Variants in C1orf167 observed in about 807,000 individuals in gnomAD.
C1orf167 encodes chromosome 1 open reading frame 167.
A neutral mutation model predicts 176.5 loss-of-function variants in C1orf167; 153 were observed. That is an observed-to-expected ratio of 0.87 (90% CI 0.76 to 0.99). The LOEUF is 0.99. Among genes scored for constraint, C1orf167 ranks in the 50% least tolerant of loss-of-function variants. The probability of loss-of-function intolerance (pLI) is 0.00; values close to 1 mark genes in which losing one functional copy is unlikely to be tolerated. For synonymous variants in C1orf167, 594 were observed against 752.7 expected, an observed-to-expected ratio of 0.79 and a Z score of 3.45; for missense variants, 1,490 against 1,817.7, an observed-to-expected ratio of 0.82 and a Z score of 3.28.
In C1orf167 at chr1:11,784,429, A is replaced by G. The variant is rs1643744700; in HGVS notation, c.3261A>G (p.Ala1087=). 7.7e-7 allele frequency: 1 copy of G among 1,303,732 alleles called. No homozygotes were observed. Among genetic ancestry groups the G allele is most frequent in the Middle Eastern group, 2.2e-4 (1 of 4,488 alleles). The allele number at this position is 1,303,732 out of a possible 1,614,324, so 80.8% of individuals were successfully genotyped here. A position where few individuals can be genotyped will look rare whatever the true frequency, so the allele number is the denominator to read the frequency against. The change falls in exon 15 of 21, where the codon GCA becomes GCG. Residue 1087 remains alanine (A), a synonymous_variant. Transcript: ENST00000688073. ...CCCGGGCCCCACAGGCCTTCCCAGC[A>G]TGGCCAGTGGCCCCGGGCATGCACC... The part of the protein sequence containing the change: ...KKARAPQAFP[A]WPVAPGMHHE...
At chr1:11,787,584 T>C in intron 17 of C1orf167, 91 bp downstream of exon 17, 1 of 932,090 alleles carries the variant, frequency 1.1e-6, no homozygotes, top group Non-Finnish European at 1.4e-6. Context: ...ATCAGCTCCT[T>C]GGGACACGGT....
Position 11,772,195 on chromosome 1 carries a change from A to G in C1orf167, c.1924A>G (p.Thr642Ala). ...GAGCTTCCCCCAGGCCTGGCACTCT[A>G]CTGCTGCAGGTGTAGCCTGGGTGGC... ...TGSFPQAWHS[T>A]AAGVAWVAPL... The change falls in exon 8 of 21, where the codon ACT becomes GCT. Residue 642 changes from threonine to alanine, a missense_variant. By Grantham distance (58) the Thr-to-Ala change is moderately conservative. Transcript: ENST00000688073. 1 of 1,304,270 alleles carries G rather than the reference A, an allele frequency of 7.7e-7. No homozygotes were observed. The highest frequency in any genetic ancestry group is 1.0e-6 in the Non-Finnish European group (1 of 988,944). 80.8% of individuals were successfully genotyped at this position (1,304,270 alleles called of 1,614,324 possible). A position where few individuals can be genotyped will look rare whatever the true frequency, so the allele number is the denominator to read the frequency against.
intron 8 of C1orf167, among the ~76,000 whole-genome samples, chr1:11,772,655 C>T (rs144512967): frequency 6.6e-6 from 1 of 152,086 alleles, no homozygotes; most frequent in Non-Finnish European, 1.5e-5. Context: ...ACTGAGCATG[C>T]CTAGAACATG....
chr1:11,776,167 G>A (rs925238800), intron 9 of C1orf167, among the ~76,000 whole-genome samples: 9 of 152,236 alleles, frequency 5.9e-5, no homozygotes, highest in Non-Finnish European at 1.0e-4. Flanking sequence ...TGAGGCACAA[G>A]GATCGCTTGA....
At chr1:11,770,688 C>T (rs1204026458) in intron 6 of C1orf167, among the ~76,000 whole-genome samples, 5 of 151,534 alleles carry the variant, frequency 3.3e-5, no homozygotes, top group Non-Finnish European at 7.4e-5. Context: ...TCTCAAACTC[C>T]TGGCCTCAAG....
chr1:11,762,828 A>C (rs972256544), intron 1 of C1orf167, among the ~76,000 whole-genome samples: 12 of 152,234 alleles, frequency 7.9e-5, no homozygotes, highest in Admixed American at 2.6e-4. Context: ...AACAAAAAAA[A>C]CCAGCCTGCC....
At position 11,789,390 on chromosome 1, in the gene C1orf167, A is replaced by G. The variant is rs868014; in HGVS notation, c.4294A>G (p.Arg1432Gly). ...CCCCGAGAGTGGACAGGAAGCCGCC[A>G]GAGCACCGCGGGGTTGGGGGCTTGG... ...KGPESGQEAA[R>G]APRGWGLGAE... Residue 1432 changes from arginine (R) to glycine (G), a missense_variant, in exon 21 of 21, where the codon AGA (arginine) becomes GGA (glycine). Physicochemically the swap from Arg to Gly is moderately radical, Grantham distance 125. Coordinates refer to ENST00000688073, the MANE Select transcript of C1orf167 (RefSeq NM_001010881.2). 0.99 allele frequency: 1,288,170 copies of G among 1,304,028 alleles called. 637,687 individuals are homozygous for G. Among genetic ancestry groups the G allele is most frequent in the East Asian group, 1 (17,992 of 17,992 alleles). The allele number at this position is 1,304,028 out of a possible 1,614,324, so 80.8% of individuals were successfully genotyped here.
chr1:11,762,399 G>A (rs1036617650), intron 1 of C1orf167, 94 bp downstream of exon 1: 1 of 344,270 alleles, frequency 2.9e-6, no homozygotes, highest in African/African-American at 2.1e-5. Flanking sequence ...GGACAGGGGT[G>A]GGGGTGGAGT....
chr1:11,764,278 C>A, intron 1 of C1orf167, 53 bp from the exon 2 acceptor site: 1 of 682,682 alleles, frequency 1.5e-6, no homozygotes, highest in Non-Finnish European at 2.3e-6. Flanking sequence ...AGGTAGGGAT[C>A]AGAATGGGGT....
chr1:11,789,060 TTGCTC>T lies in C1orf167; in HGVS notation c.4174-202_4174-198del, dbSNP rs1431677684. 6.8e-6 allele frequency: 3 copies of T among 442,358 alleles called. No homozygotes were observed. The Admixed American group carries it at 1.1e-4, about 17-fold the overall frequency. The allele number at this position is 442,358 out of a possible 1,614,324, so 27.4% of individuals were successfully genotyped here. A position where few individuals can be genotyped will look rare whatever the true frequency, so the allele number is the denominator to read the frequency against. ...GGGTCCTGAGCGCCCCCTCCCTCAT[TTGCTC>T]TGCTCTGAGTACAGCTTCCCAGCTC... On this transcript the variant is annotated intron_variant, in intron 20 of 20. Transcript: ENST00000688073.
rs1024797867 is a variant in C1orf167, at chr1:11,762,476, G to A, written c.-71+171G>A. Among the ~76,000 whole-genome samples the A allele has an allele frequency of 2.6e-5, 4 of 152,194 alleles. No individual in the cohort carries two copies. The East Asian group carries it at 7.7e-4, about 29-fold the overall frequency. On this transcript the variant is annotated intron_variant, in intron 1 of 20. Coordinates refer to ENST00000688073, the MANE Select transcript of C1orf167 (RefSeq NM_001010881.2). ...ATGGACCGAAGAGCTCCGGCGTGAG[G>A]GGCAGGGGTGCAGGAAGGTCTCCTG... is the stretch of plus-strand genomic sequence containing the variant.
chr1:11,778,885 G>A (rs1044686471), intron 11 of C1orf167, 41 bp from the exon 12 acceptor site: 2 of 1,297,152 alleles, frequency 1.5e-6, no homozygotes, highest in African/African-American at 3.0e-5. Context: ...GTGGGAAGGG[G>A]ACAGGGTAGG....
Position 11,779,909 on chromosome 1 carries a change from G to C in C1orf167, c.2759G>C (p.Arg920Pro), listed in dbSNP as rs4846043. Residue 920 changes from arginine to proline, a missense_variant, in exon 13 of 21, where the codon CGT (arginine) becomes CCT (proline). By Grantham distance (103) the Arg-to-Pro change is moderately radical (BLOSUM62 -2). Coordinates refer to ENST00000688073, the MANE Select transcript of C1orf167 (RefSeq NM_001010881.2). ...TGCAGGGCTGTGCTGGGCCTGTGGC[G>C]TCAGCGGCTGCTGCAGTCACGGCTG... ...RTCRAVLGLW[R>P]QRLLQSRLVE... 20 of 1,302,386 alleles carry C rather than the reference G, an allele frequency of 1.5e-5. No homozygotes were observed. In the African/African-American group the frequency reaches 3.0e-4, roughly 20 times the overall value. 80.7% of individuals were successfully genotyped at this position (1,302,386 alleles called of 1,614,324 possible). A position where few individuals can be genotyped will look rare whatever the true frequency, so the allele number is the denominator to read the frequency against.
Position 11,772,188 on chromosome 1 carries a change from G to C in C1orf167, c.1917G>C (p.Trp639Cys), listed in dbSNP as rs1452212095. The C allele has an allele frequency of 6.9e-6, 9 of 1,304,172 alleles. No homozygotes were observed. Among genetic ancestry groups the C allele is most frequent in the Non-Finnish European group, 9.1e-6 (9 of 988,960 alleles). 80.8% of individuals were successfully genotyped at this position (1,304,172 alleles called of 1,614,324 possible). ...TQRTGSFPQA[W>C]HSTAAGVAWV... ...GGACAGGGAGCTTCCCCCAGGCCTGGCACTCTACTGCTGCAGGTGTAGCCT... is the reference window on the plus strand; with the variant it reads ...GGACAGGGAGCTTCCCCCAGGCCTGCCACTCTACTGCTGCAGGTGTAGCCT... Residue 639 changes from tryptophan (W) to cysteine (C), a missense_variant, in exon 8 of 21, where the codon TGG becomes TGC. Transcript: ENST00000688073.
rs1323828407 is a variant in C1orf167 at position 11,788,705 on chromosome 1, G to T, written c.4132G>T (p.Ala1378Ser). 7.7e-7 allele frequency: 1 copy of T among 1,304,280 alleles called. No individual in the cohort carries two copies. The highest frequency in any genetic ancestry group is 1.2e-5 in the South Asian group (1 of 81,036). The allele number at this position is 1,304,280 out of a possible 1,614,324, so 80.8% of individuals were successfully genotyped here. ...GLADVVAADP[A>S]TASGSAVTAA... ...GGCAGACGTGGTGGCAGCGGATCCTGCGACTGCGAGTGGCTCAGCAGTTAC... is the reference window on the plus strand; with the variant it reads ...GGCAGACGTGGTGGCAGCGGATCCTTCGACTGCGAGTGGCTCAGCAGTTAC... The change falls in exon 20 of 21, where the codon GCG becomes TCG. Residue 1378 changes from alanine (A) to serine (S), a missense_variant. Transcript: ENST00000688073.
Position 11,766,851 on chromosome 1 carries a change from C to G in C1orf167, c.1065C>G (p.Asp355Glu), listed in dbSNP as rs1642822565. The change falls in exon 3 of 21, where the codon GAC (aspartate) becomes GAG (glutamate). Residue 355 changes from aspartate to glutamate, a missense_variant. Physicochemically the swap from Asp to Glu is conservative, Grantham distance 45. Coordinates refer to ENST00000688073, the MANE Select transcript of C1orf167 (RefSeq NM_001010881.2). This position sits in a 1 kb window ranked among gnomAD's most constrained non-coding sequence, Gnocchi z 4.5. ...LPPAHPLGSG[D>E]SCSPWSQDGR... Reference sequence around the variant, plus strand: ...CTGCCCACCCCCTAGGGTCAGGGGACAGCTGCTCCCCCTGGTCTCAAGATG... The same window carrying G: ...CTGCCCACCCCCTAGGGTCAGGGGAGAGCTGCTCCCCCTGGTCTCAAGATG... 5 of 1,282,294 alleles carry G rather than the reference C, an allele frequency of 3.9e-6. No homozygotes were observed. The highest frequency in any genetic ancestry group is 5.1e-6 in the Non-Finnish European group (5 of 984,154). The allele number at this position is 1,282,294 out of a possible 1,614,324, so 79.4% of individuals were successfully genotyped here.
rs886680893 is a variant in C1orf167, at chr1:11,765,930, G to A, written c.144G>A (p.Gln48=). 32 of 1,244,602 alleles carry A rather than the reference G, an allele frequency of 2.6e-5. No individual in the cohort carries two copies. The highest frequency in any genetic ancestry group is 3.2e-5 in the Non-Finnish European group (31 of 966,470). The allele number at this position is 1,244,602 out of a possible 1,614,324, so 77.1% of individuals were successfully genotyped here. A position where few individuals can be genotyped will look rare whatever the true frequency, so the allele number is the denominator to read the frequency against. ...ATGACCAGTGGGTGCCCGGGTGCCA[G>A]GTGGAGAGGGGAGGGCCTGCTGCCA... The part of the protein sequence containing the change: ...GRHDQWVPGC[Q]VERGGPAATP... Residue 48 remains glutamine (Q), a synonymous_variant, in exon 3 of 21, where the codon CAG becomes CAA. Transcript: ENST00000688073.
At position 11,767,105 on chromosome 1, in the gene C1orf167, G is replaced by A. The variant is rs1642837052; in HGVS notation, c.1299+20G>A. ...TCGAAGGTAGAGGCCCGGGGAGGCTGGAGGTGGGGTAGGGGGTAGGAGGTG... is the reference window on the plus strand; with the variant it reads ...TCGAAGGTAGAGGCCCGGGGAGGCTAGAGGTGGGGTAGGGGGTAGGAGGTG... On this transcript the variant is annotated intron_variant, in intron 3 of 20. Coordinates refer to ENST00000688073, the MANE Select transcript of C1orf167 (RefSeq NM_001010881.2). 8 of 1,255,882 alleles carry A rather than the reference G, an allele frequency of 6.4e-6. No homozygotes were observed. In the South Asian group the frequency reaches 9.4e-5, roughly 15 times the overall value. The allele number at this position is 1,255,882 out of a possible 1,614,324, so 77.8% of individuals were successfully genotyped here. A position where few individuals can be genotyped will look rare whatever the true frequency, so the allele number is the denominator to read the frequency against.
intron 10 of C1orf167, chr1:11,777,353 T>C (rs931193696): frequency 1.3e-5 from 2 of 152,730 alleles, no homozygotes; most frequent in African/African-American, 4.8e-5. Flanking sequence ...GTTGCAGGGT[T>C]AAGAATTCTG....
Sources: allele counts gnomAD v4.1 joint callset (sites outside exome capture counted in the v4.1 genomes callset), GRCh38; gene constraint gnomAD v4.1.1; non-coding constraint Gnocchi (gnomAD v3.1); transcripts MANE v1.5; gene names NCBI Gene and HGNC (gene_info 2026-07-23, HGNC 2026-07-21).